Variants in MMP2 observed in about 807,000 individuals in gnomAD.
MMP2 encodes 72 kDa type IV collagenase.
MMP2 carries 39 observed loss-of-function variants against 74.8 expected under a neutral mutation model. The ratio of observed to expected loss-of-function variants is 0.52; its 90% CI spans 0.40 to 0.68. The LOEUF (loss-of-function observed/expected upper bound fraction) is 0.68. MMP2 is among the 30% of genes least tolerant of loss of function. MMP2 has a pLI of 0.00. For synonymous variants in MMP2, 367 were observed against 339.8 expected (o/e 1.08, Z -0.88); for missense variants, 803 against 878.3 (o/e 0.91, Z 1.08).
intron 12 of MMP2, among the ~76,000 whole-genome samples, chr16:55,503,284 G>A (rs1260262007): frequency 6.6e-6 from 1 of 152,192 alleles, no homozygotes; most frequent in Non-Finnish European, 1.5e-5. Flanking sequence ...TTGAGACAAG[G>A]CAAACTTTGT....
Position 55,488,676 on chromosome 16 carries a change from C to T in MMP2, c.966C>T (p.Asp322=). 1.2e-6 allele frequency: 2 copies of T among 1,611,980 alleles called. No individual in the cohort carries two copies. The highest frequency in any genetic ancestry group is 1.7e-6 in the Non-Finnish European group (2 of 1,179,190). ...DGYRWCGTTE[D]YDRDKKYGFC... Reference sequence around the variant, plus strand: ...ACCGCTGGTGCGGCACCACTGAGGACTACGACCGCGACAAGAAGTATGGCT... The same window carrying T: ...ACCGCTGGTGCGGCACCACTGAGGATTACGACCGCGACAAGAAGTATGGCT... Residue 322 remains aspartate, a synonymous_variant, in exon 6 of 13, where the codon GAC becomes GAT. Coordinates refer to ENST00000219070, the MANE Select transcript of MMP2 (RefSeq NM_004530.6).
Position 55,483,100 on chromosome 16 carries a change from C to G in MMP2, c.345C>G (p.Arg115=), listed in dbSNP as rs1271845616. The G allele has an allele frequency of 6.2e-7, 1 of 1,614,104 alleles. No homozygotes were observed. Residue 115 remains arginine (R), a synonymous_variant, in exon 2 of 13, where the codon CGC becomes CGG. Transcript: ENST00000219070. The part of the protein sequence containing the change: ...PDVANYNFFP[R]KPKWDKNQIT... ...TGGCCAACTACAACTTCTTCCCTCG[C>G]AAGCCCAAGTGGGACAAGAACCAGA... is the stretch of plus-strand genomic sequence containing the variant.
In MMP2 at chr16:55,489,632, C is replaced by T. The variant is rs1300367319; in HGVS notation, c.1007-19C>T. ...TCAGACTCTTTGCTGCGCCTTGACC[C>T]GTATCCCTAACCCCACAGCCATGTC... On this transcript the variant is annotated intron_variant, in intron 6 of 12. Coordinates refer to ENST00000219070, the MANE Select transcript of MMP2 (RefSeq NM_004530.6). 15 of 1,613,570 alleles carry T rather than the reference C, an allele frequency of 9.3e-6. No individual in the cohort carries two copies. Among genetic ancestry groups the T allele is most frequent in the South Asian group, 5.5e-5 (5 of 91,074 alleles).
Position 55,479,276 on chromosome 16 carries a change from C to T in MMP2, c.-204C>T, listed in dbSNP as rs1229969396. Reference sequence around the variant, plus strand: ...AAACATACAAAGGGATTGCCAGGACCTGCGGCGGCGGCGGCGGCGGCGGGG... The same window carrying T: ...AAACATACAAAGGGATTGCCAGGACTTGCGGCGGCGGCGGCGGCGGCGGGG... On this transcript the variant is annotated 5_prime_UTR_variant, in exon 1 of 13. Coordinates refer to ENST00000219070, the MANE Select transcript of MMP2 (RefSeq NM_004530.6). The T allele has an allele frequency of 3.2e-5, 13 of 403,020 alleles. No homozygotes were observed. The highest frequency in any genetic ancestry group is 4.8e-5 in the Non-Finnish European group (12 of 248,136). The allele number at this position is 403,020 out of a possible 1,614,324, so 25.0% of individuals were successfully genotyped here.
At position 55,479,502 on chromosome 16, in the gene MMP2, G is replaced by A. The variant is rs781581204; in HGVS notation, c.23G>A (p.Gly8Asp). Residue 8 changes from glycine (G) to aspartate (D), a missense_variant, in exon 1 of 13, where the codon GGC becomes GAC. By Grantham distance (94) the Gly-to-Asp change is moderately conservative. Around this residue, in one of 3 missense-constraint regions of MMP2, gnomAD observed 223 missense variants for 232.8 expected, o/e 0.96. Transcript: ENST00000219070. ...ACGATGGAGGCGCTAATGGCCCGGGGCGCGCTCACGGGTCCCCTGAGGGCG... is the reference window on the plus strand; with the variant it reads ...ACGATGGAGGCGCTAATGGCCCGGGACGCGCTCACGGGTCCCCTGAGGGCG... MEALMAR[G>D]ALTGPLRALC... is the part of the protein sequence containing the mutation. The A allele has an allele frequency of 1.2e-5, 19 of 1,591,754 alleles. No homozygotes were observed. In the Admixed American group the frequency reaches 2.6e-4, roughly 22 times the overall value.
Position 55,484,061 on chromosome 16 carries a change from T to C in MMP2, c.426T>C (p.Asp142=). 6.2e-7 allele frequency: 1 copy of C among 1,614,216 alleles called. No homozygotes were observed. Among genetic ancestry groups the C allele is most frequent in the Non-Finnish European group, 8.5e-7 (1 of 1,180,032 alleles). The change falls in exon 3 of 13, where the codon GAT becomes GAC. Residue 142 remains aspartate (D), a synonymous_variant. Coordinates refer to ENST00000219070, the MANE Select transcript of MMP2 (RefSeq NM_004530.6). ...TPDLDPETVD[D]AFARAFQVWS... is the part of the protein sequence containing the mutation. ...ATCTGGACCCAGAGACAGTGGATGATGCCTTTGCTCGTGCCTTCCAAGTCT... is the reference window on the plus strand; with the variant it reads ...ATCTGGACCCAGAGACAGTGGATGACGCCTTTGCTCGTGCCTTCCAAGTCT...
intron 1 of MMP2, among the ~76,000 whole-genome samples, chr16:55,481,396 G>A (rs1282242680): frequency 1.3e-5 from 2 of 152,284 alleles, no homozygotes; most frequent in East Asian, 3.9e-4. Context: ...CATATAATGA[G>A]CAGTGAGGAC....
chr16:55,484,498 T>A (rs532295590), intron 3 of MMP2, among the ~76,000 whole-genome samples: 21 of 152,356 alleles, frequency 1.4e-4, no homozygotes, highest in African/African-American at 4.8e-4. Context: ...TTAAATTAGT[T>A]TCCTGGTCAC....
At chr16:55,490,181 C>T (rs17859924) in intron 7 of MMP2, among the ~76,000 whole-genome samples, 2 of 152,192 alleles carry the variant, frequency 1.3e-5, no homozygotes, top group East Asian at 1.9e-4. Flanking sequence ...TGGCTGAATT[C>T]TGAGCACAGA....
chr16:55,482,842 C>G (rs1311498114), intron 1 of MMP2, 67 bp from the exon 2 acceptor site: 5 of 1,365,930 alleles, frequency 3.7e-6, no homozygotes, highest in Non-Finnish European at 5.2e-6. Context: ...ATTGCTACAG[C>G]CTGCTTTGGT....
Position 55,484,116 on chromosome 16 carries a change from C to G in MMP2, c.481C>G (p.Arg161Gly), listed in dbSNP as rs1326693368. The G allele has an allele frequency of 6.2e-7, 1 of 1,614,028 alleles. No homozygotes were observed. The highest frequency in any genetic ancestry group is 8.5e-7 in the Non-Finnish European group (1 of 1,180,044). Residue 161 changes from arginine to glycine, a missense_variant, in exon 3 of 13, where the codon CGA becomes GGA. Arg to Gly is a moderately radical substitution (Grantham distance 125). Coordinates refer to ENST00000219070, the MANE Select transcript of MMP2 (RefSeq NM_004530.6). ...WSDVTPLRFSRIHDGEADIMI... is the reference protein window; with the variant it reads ...WSDVTPLRFSGIHDGEADIMI... ...CGATGTGACCCCACTGCGGTTTTCT[C>G]GAATCCATGATGGAGAGGCAGACAT...
intron 9 of MMP2, among the ~76,000 whole-genome samples, chr16:55,496,162 C>G (rs1055722022): frequency 1.3e-5 from 2 of 152,200 alleles, no homozygotes; most frequent in African/African-American, 4.8e-5. Flanking sequence ...ATCTGTAGAT[C>G]TCTGTAAGGA....
At chr16:55,502,723 G>T in intron 11 of MMP2, 56 bp from the exon 12 acceptor site, 1 of 1,503,914 alleles carries the variant, frequency 6.6e-7, no homozygotes, top group South Asian at 1.1e-5. Flanking sequence ...TCCAGGCCAG[G>T]GGGGAAGTGT....
intron 12 of MMP2, 70 bp from the exon 13 acceptor site, chr16:55,505,269 T>C (rs1596833671): frequency 7.5e-7 from 1 of 1,332,424 alleles, no homozygotes; most frequent in East Asian, 2.3e-5. Context: ...AAATTCAAAG[T>C]TCCCAGGAAC....
intron 2 of MMP2, 90 bp downstream of exon 2, chr16:55,483,225 A>C: frequency 2.0e-6 from 2 of 1,010,566 alleles, no homozygotes; most frequent in Non-Finnish European, 3.0e-6. Flanking sequence ...CAGGGGATCC[A>C]TGAGGTGTCT....
Position 55,496,850 on chromosome 16 carries a change from G to T in MMP2, c.1473-76G>T, listed in dbSNP as rs171498. 0.36 allele frequency: 577,796 copies of T among 1,584,726 alleles called. 108,268 individuals are homozygous for T. The highest frequency in any genetic ancestry group is 0.39 in the South Asian group (34,667 of 90,010). Reference sequence around the variant, plus strand: ...ATCATCTCTGGGATGTTTCTGGGTGGGTTTGGGGGTGTGTGTGGTTCGAGC... The same window carrying T: ...ATCATCTCTGGGATGTTTCTGGGTGTGTTTGGGGGTGTGTGTGGTTCGAGC... On this transcript the variant is annotated intron_variant, in intron 9 of 12. Coordinates refer to ENST00000219070, the MANE Select transcript of MMP2 (RefSeq NM_004530.6).
chr16:55,483,008 C>T lies in MMP2; in HGVS notation c.253C>T (p.Gln85Ter). 5 of 1,614,220 alleles carry T rather than the reference C, an allele frequency of 3.1e-6. No homozygotes were observed. Among genetic ancestry groups the T allele is most frequent in the African/African-American group, 1.3e-5 (1 of 75,060 alleles). The part of the protein sequence containing the change: ...KKMQKFFGLP[Q>*]TGDLDQNTIE... ...GATGCAGAAGTTCTTTGGACTGCCC[C>T]AGACAGGTGATCTTGACCAGAATAC... The change falls in exon 2 of 13, where the codon CAG becomes TAG. Residue 85 changes from glutamine to a stop codon, truncating the protein, a stop_gained. Coordinates refer to ENST00000219070, the MANE Select transcript of MMP2 (RefSeq NM_004530.6). LOFTEE classifies it high-confidence loss of function.
In MMP2 at chr16:55,481,962, C is replaced by T; in HGVS notation, c.154-947C>T. 9 of 636,472 alleles carry T rather than the reference C, an allele frequency of 1.4e-5. No individual in the cohort carries two copies. In the South Asian group the frequency reaches 1.6e-4, roughly 11 times the overall value. The allele number at this position is 636,472 out of a possible 1,614,324, so 39.4% of individuals were successfully genotyped here. Reference sequence around the variant, plus strand: ...TCCATTTCCCCTTTCCTAACTACTTCCAACAAGGCTAGGACCGTTGTCAGA... The same window carrying T: ...TCCATTTCCCCTTTCCTAACTACTTTCAACAAGGCTAGGACCGTTGTCAGA... On this transcript the variant is annotated intron_variant, in intron 1 of 12. Transcript: ENST00000219070.
At chr16:55,502,079 C>T (rs550203627) in intron 11 of MMP2, among the ~76,000 whole-genome samples, 3 of 152,292 alleles carry the variant, frequency 2.0e-5, no homozygotes, top group South Asian at 2.1e-4. Context: ...TTGCTGCCGC[C>T]GGAACTGAGG....
Sources: allele counts gnomAD v4.1 joint callset (sites outside exome capture counted in the v4.1 genomes callset), GRCh38; gene constraint gnomAD v4.1.1; regional missense constraint gnomAD v4.1.1; transcripts MANE v1.5; gene names NCBI Gene and HGNC (gene_info 2026-07-23, HGNC 2026-07-21).